The following TMTC1 variants were observed in gnomAD, a reference collection of about 807,000 sequenced individuals.
The protein encoded by TMTC1 is protein O-mannosyl-transferase TMTC1.
A neutral mutation model predicts 104.8 loss-of-function variants in TMTC1; 73 were observed. That is an observed-to-expected ratio of 0.70 (90% CI 0.58 to 0.85). The LOEUF (loss-of-function observed/expected upper bound fraction) is 0.85. Among genes scored for constraint, TMTC1 ranks in the 40% least tolerant of loss-of-function variants. The probability of loss-of-function intolerance (pLI) is 0.00; values close to 1 mark genes in which losing one functional copy is unlikely to be tolerated. For missense variants in TMTC1, 1,035 were observed against 1,096.1 expected (o/e 0.94, Z 0.79); for synonymous variants, 434 against 428.7 (o/e 1.01, Z -0.15).
intron 11 of TMTC1, among the ~76,000 whole-genome samples, chr12:29,524,419 A>T (rs1194127123): frequency 6.6e-6 from 1 of 152,088 alleles, no homozygotes; most frequent in Admixed American, 6.5e-5. Flanking sequence ...AATGGTACAG[A>T]TTTTTTTCTG....
At chr12:29,626,427 C>T (rs151277008) in intron 6 of TMTC1, among the ~76,000 whole-genome samples, 1 of 152,246 alleles carries the variant, frequency 6.6e-6, no homozygotes, top group Non-Finnish European at 1.5e-5. Context: ...GTTTATGTAA[C>T]TAATTGGCAT....
chr12:29,699,312 T>C (rs974361159), intron 5 of TMTC1, among the ~76,000 whole-genome samples: 2 of 152,238 alleles, frequency 1.3e-5, no homozygotes, highest in Admixed American at 1.3e-4. Flanking sequence ...TCTATGAATT[T>C]CATATCTAAT....
intron 7 of TMTC1, among the ~76,000 whole-genome samples, chr12:29,602,506 C>G (rs925872653): frequency 6.6e-6 from 1 of 152,116 alleles, no homozygotes; most frequent in Admixed American, 6.5e-5. Flanking sequence ...CCATTTTATG[C>G]AGATGAGAAA....
intron 5 of TMTC1, among the ~76,000 whole-genome samples, chr12:29,699,649 CTTTTTTTTTTT>C (rs71444337): frequency 2.3e-5 from 2 of 86,848 alleles, no homozygotes; most frequent in Admixed American, 1.5e-4. Flanking sequence ...TCATCTGGTG[CTTTTTTTTTTT>C]TTTTTTTTTT....
intron 5 of TMTC1, among the ~76,000 whole-genome samples, chr12:29,643,776 TATATTTATATATATTTATATAC>T (rs1939070513): frequency 2.1e-5 from 1 of 47,246 alleles, no homozygotes; most frequent in African/African-American, 8.4e-5. Context: ...CATATATTTA[TATATTTATATATATTTATATAC>T]ATATTTATAT....
rs376331399 is a variant in TMTC1 at position 29,516,215 on chromosome 12, C to T, written c.2307+134G>A. 1.6e-5 allele frequency: 18 copies of T among 1,124,622 alleles called. No individual in the cohort carries two copies. In the East Asian group the frequency reaches 1.7e-4, roughly 11 times the overall value. The allele number at this position is 1,124,622 out of a possible 1,614,324, so 69.7% of individuals were successfully genotyped here. A position where few individuals can be genotyped will look rare whatever the true frequency, so the allele number is the denominator to read the frequency against. On this transcript the variant is annotated intron_variant, in intron 15 of 17. Coordinates refer to ENST00000539277, the MANE Select transcript of TMTC1 (RefSeq NM_001193451.2). The stretch of plus-strand genomic sequence containing the variant: ...TAAGGGGATATCTGTGAAAAGTTTC[C>T]AAGAGATAGGATATGCTGACGGATA...
intron 8 of TMTC1, among the ~76,000 whole-genome samples, chr12:29,581,564 CT>C (rs1486581726): frequency 4.0e-5 from 6 of 148,452 alleles, no homozygotes; most frequent in Admixed American, 6.8e-5. Context: ...ATTTTTTTTT[CT>C]TTTTTTTTTA....
chr12:29,759,362 T>C (rs1163583293), intron 2 of TMTC1, among the ~76,000 whole-genome samples: 1 of 152,064 alleles, frequency 6.6e-6, no homozygotes, highest in Admixed American at 6.5e-5. Context: ...CCACGCATGG[T>C]GGCACATGCC....
intron 5 of TMTC1, among the ~76,000 whole-genome samples, chr12:29,651,569 T>C (rs1194526636): frequency 1.3e-5 from 2 of 152,200 alleles, no homozygotes; most frequent in Non-Finnish European, 2.9e-5. Flanking sequence ...GACTATAAAA[T>C]GCAAGCAGCT....
At chr12:29,713,362 T>A (rs1941990200) in intron 5 of TMTC1, among the ~76,000 whole-genome samples, 2 of 136,614 alleles carry the variant, frequency 1.5e-5, no homozygotes, top group Non-Finnish European at 3.2e-5. Flanking sequence ...GAGAGAGAGA[T>A]CCTATTTCTT....
Position 29,518,586 on chromosome 12 carries a change from G to A in TMTC1, c.1910C>T (p.Ala637Val), listed in dbSNP as rs1255469720. ...AAGTTTGATGGCCTGCTGGTAATGG[G>A]CCACTGCCTTTTCTGGTAAGCCTGT... ...VDTGLPEKAVAHYQQAIKLSP... is the reference protein window; with the variant it reads ...VDTGLPEKAVVHYQQAIKLSP... Residue 637 changes from alanine to valine, a missense_variant, in exon 13 of 18, where the codon GCC becomes GTC. Physicochemically the swap from Ala to Val is moderately conservative, Grantham distance 64 (BLOSUM62 0). Coordinates refer to ENST00000539277, the MANE Select transcript of TMTC1 (RefSeq NM_001193451.2). 3.1e-6 allele frequency: 5 copies of A among 1,613,918 alleles called. No homozygotes were observed. The highest frequency in any genetic ancestry group is 4.2e-6 in the Non-Finnish European group (5 of 1,179,952).
chr12:29,705,635 T>C (rs893429374), intron 5 of TMTC1, among the ~76,000 whole-genome samples: 3 of 152,280 alleles, frequency 2.0e-5, no homozygotes, highest in African/African-American at 7.2e-5. Context: ...GACTGTGGTA[T>C]TTAAACCTGA....
chr12:29,625,242 T>A (rs1937917042), intron 6 of TMTC1, among the ~76,000 whole-genome samples: 1 of 152,206 alleles, frequency 6.6e-6, no homozygotes, highest in African/African-American at 2.4e-5. Context: ...ATCCTCCTGT[T>A]TACTGCCTCA....
At chr12:29,596,741 T>C (rs1946414892) in intron 7 of TMTC1, among the ~76,000 whole-genome samples, 1 of 152,212 alleles carries the variant, frequency 6.6e-6, no homozygotes, top group East Asian at 1.9e-4. Flanking sequence ...TCTACTGCAT[T>C]GTACTATGAG....
intron 3 of TMTC1, among the ~76,000 whole-genome samples, chr12:29,757,154 A>C (rs909191154): frequency 6.6e-6 from 1 of 152,256 alleles, no homozygotes; most frequent in African/African-American, 2.4e-5. Flanking sequence ...CAGGAGCAGA[A>C]GACTTACACT....
In TMTC1 at chr12:29,783,537, C is replaced by T; in HGVS notation, c.215G>A (p.Gly72Asp). 6.8e-7 allele frequency: 1 copy of T among 1,467,132 alleles called. No individual in the cohort carries two copies. Among genetic ancestry groups the T allele is most frequent in the South Asian group, 1.3e-5 (1 of 76,678 alleles). The allele number at this position is 1,467,132 out of a possible 1,614,324, so 90.9% of individuals were successfully genotyped here. A position where few individuals can be genotyped will look rare whatever the true frequency, so the allele number is the denominator to read the frequency against. Residue 72 changes from glycine to aspartate, a missense_variant, in exon 1 of 18, where the codon GGC becomes GAC. Gly to Asp is a moderately conservative substitution (Grantham distance 94). Transcript: ENST00000539277. This position sits in a 1 kb window ranked among gnomAD's most constrained non-coding sequence, Gnocchi z 4.7. Reference sequence around the variant, plus strand: ...GCCCCAGAAGTCGTTGGTGAAGATGCCCCAGCGGAGCGGGGCGCCGGGCCG... The same window carrying T: ...GCCCCAGAAGTCGTTGGTGAAGATGTCCCAGCGGAGCGGGGCGCCGGGCCG... ...DVRPGAPLRW[G>D]IFTNDFWGKG...
At chr12:29,552,491 T>A (rs1945132145) in intron 10 of TMTC1, among the ~76,000 whole-genome samples, 1 of 152,128 alleles carries the variant, frequency 6.6e-6, no homozygotes, top group Non-Finnish European at 1.5e-5. Context: ...TACTGGGCAG[T>A]GATGCTGCAG....
chr12:29,666,198 CCTTTT>C (rs1010784489), intron 5 of TMTC1: 3 of 430,888 alleles, frequency 7.0e-6, no homozygotes, highest in African/African-American at 2.1e-5. Flanking sequence ...AACATCTACC[CCTTTT>C]CTTTTCTTTC....
At chr12:29,528,312 T>G (rs1944405182) in intron 11 of TMTC1, among the ~76,000 whole-genome samples, 1 of 152,164 alleles carries the variant, frequency 6.6e-6, no homozygotes, top group South Asian at 2.1e-4. Flanking sequence ...TAAAAATATT[T>G]GTGACCCAGG....
Sources: gnomAD v4.1 joint callset for allele counts (sites outside exome capture counted in the v4.1 genomes callset) on GRCh38, gnomAD v4.1.1 for gene constraint, Gnocchi (gnomAD v3.1) non-coding constraint, MANE v1.5 for transcripts, NCBI Gene and HGNC (gene_info 2026-07-23, HGNC 2026-07-21) for gene names.